The following TREML2 variants were observed in gnomAD, a reference collection of about 807,000 sequenced individuals.
TREML2 encodes trem-like transcript 2 protein.
In TREML2, 24 loss-of-function variants were observed where a neutral mutation model predicts 25.9. The observed-to-expected ratio is 0.93, with a 90% CI of 0.67 to 1.30. The LOEUF (loss-of-function observed/expected upper bound fraction) is 1.30, where lower values mean the gene tolerates loss of function less well. Among genes scored for constraint, TREML2 ranks in the 50% most tolerant of loss-of-function variants. The pLI, the probability that TREML2 is intolerant of heterozygous loss-of-function variation, is 0.00. For synonymous variants in TREML2, 139 were observed against 155.2 expected (o/e 0.90, Z 0.77); for missense variants, 359 against 395.6 (o/e 0.91, Z 0.78).
At chr6:41,196,739 T>A (rs1766173550) in intron 2 of TREML2, among the ~76,000 whole-genome samples, 1 of 152,228 alleles carries the variant, frequency 6.6e-6, no homozygotes, top group Non-Finnish European at 1.5e-5. Context: ...ACTAATCTAC[T>A]TTCTGTGTCT....
chr6:41,198,028 C>T lies in TREML2; in HGVS notation c.376+81G>A, dbSNP rs1672388726. ...AACATGACCACTGATGGATTATTAT[C>T]CTTATTATCTCTGATGTTAGTGGAG... On this transcript the variant is annotated intron_variant, in intron 2 of 4. Transcript: ENST00000483722. The T allele has an allele frequency of 6.7e-6, 9 of 1,345,864 alleles. No individual in the cohort carries two copies. The South Asian group carries it at 1.3e-4, about 20-fold the overall frequency. 83.4% of individuals were successfully genotyped at this position (1,345,864 alleles called of 1,614,324 possible).
At chr6:41,200,625 C>T (rs1279132368) in intron 1 of TREML2, among the ~76,000 whole-genome samples, 3 of 152,198 alleles carry the variant, frequency 2.0e-5, no homozygotes, top group Non-Finnish European at 4.4e-5. Context: ...GCTGTCATAA[C>T]TAAGCAGGGC....
rs115991880 is a variant in TREML2 at position 41,194,466 on chromosome 6, G to T, written c.744C>A (p.Ser248Arg). Residue 248 changes from serine to arginine, a missense_variant, in exon 3 of 5, where the codon AGC (serine) becomes AGA (arginine). Coordinates refer to ENST00000483722, the MANE Select transcript of TREML2 (RefSeq NM_024807.4). ...RSPTTGLCLT[S>R]RSLLNRLPSM... ...AGGGTAGTCTGTTGAGGAGAGATCTGCTGGTGAGGCAGAGCCCTGTGGTGG... is the reference window on the plus strand; with the variant it reads ...AGGGTAGTCTGTTGAGGAGAGATCTTCTGGTGAGGCAGAGCCCTGTGGTGG... 5,639 of 1,603,718 alleles carry T rather than the reference G, an allele frequency of 3.5e-3. 8 individuals are homozygous for T. Among genetic ancestry groups the T allele is most frequent in the Middle Eastern group, 7.3e-3 (44 of 6,050 alleles).
chr6:41,199,108 T>C (rs1766232082), intron 1 of TREML2, among the ~76,000 whole-genome samples: 1 of 152,158 alleles, frequency 6.6e-6, no homozygotes, highest in African/African-American at 2.4e-5. Flanking sequence ...GTGATCCACC[T>C]GCCTCGGCCT....
rs971920809 is a variant in TREML2 at position 41,198,539 on chromosome 6, A to G, written c.56-110T>C. ...AGAGTGGATATTGTCCTGCTGTCAC[A>G]GAACCCACAGATTGAGGGGGAAATA... On this transcript the variant is annotated intron_variant, in intron 1 of 4. Transcript: ENST00000483722. The G allele has an allele frequency of 5.5e-5, 65 of 1,183,832 alleles. No homozygotes were observed. In the African/African-American group the frequency reaches 7.2e-4, roughly 13 times the overall value. The allele number at this position is 1,183,832 out of a possible 1,614,324, so 73.3% of individuals were successfully genotyped here. A position where few individuals can be genotyped will look rare whatever the true frequency, so the allele number is the denominator to read the frequency against.
chr6:41,197,076 C>G (rs1038333685), intron 2 of TREML2, among the ~76,000 whole-genome samples: 2 of 152,212 alleles, frequency 1.3e-5, no homozygotes, highest in African/African-American at 4.8e-5. Context: ...CCTGTCCTAC[C>G]TTCAAAACAT....
chr6:41,197,670 T>C (rs1766192336), intron 2 of TREML2, among the ~76,000 whole-genome samples: 1 of 152,144 alleles, frequency 6.6e-6, no homozygotes, highest in African/African-American at 2.4e-5. Flanking sequence ...TGAACACCTC[T>C]TGTTTTCTGC....
At chr6:41,198,604 G>T (rs1441795831) in intron 1 of TREML2, among the ~76,000 whole-genome samples, 175 bp from the exon 2 acceptor site, 1 of 152,204 alleles carries the variant, frequency 6.6e-6, no homozygotes, top group African/African-American at 2.4e-5. Context: ...TCTGAAGGGA[G>T]GTGAATGGGC....
At position 41,194,598 on chromosome 6, in the gene TREML2, C is replaced by A; in HGVS notation, c.612G>T (p.Arg204Ser). 1.2e-6 allele frequency: 2 copies of A among 1,614,054 alleles called. No homozygotes were observed. The highest frequency in any genetic ancestry group is 1.3e-5 in the African/African-American group (1 of 75,008). Residue 204 changes from arginine (R) to serine (S), a missense_variant, in exon 3 of 5, where the codon AGG (arginine) becomes AGT (serine). Transcript: ENST00000483722. ...CGGTCACTGTCTGGGACCCCATGGT[C>A]CTCCTGGGTCCCTGGCTGGTGGTGC... ...ATSTTSQGPR[R>S]TMGSQTVTAS...
chr6:41,192,392 C>A lies in TREML2; in HGVS notation c.*35G>T. The A allele has an allele frequency of 6.3e-7, 1 of 1,579,226 alleles. No individual in the cohort carries two copies. The highest frequency in any genetic ancestry group is 8.7e-7 in the Non-Finnish European group (1 of 1,149,832). ...CCTCCTCTAACCCCCTGGGGCCACT[C>A]TGGGAGAAGCTCCCCACCCCATGCT... On this transcript the variant is annotated 3_prime_UTR_variant, in exon 5 of 5. Coordinates refer to ENST00000483722, the MANE Select transcript of TREML2 (RefSeq NM_024807.4).
intron 1 of TREML2, 27 bp downstream of exon 1, chr6:41,200,927 C>T (rs1766261308): frequency 6.6e-7 from 1 of 1,516,130 alleles, no homozygotes; most frequent in Middle Eastern, 1.8e-4. Flanking sequence ...ACTCCCTCCT[C>T]CACAAGTCAG....
intron 1 of TREML2, 130 bp downstream of exon 1, chr6:41,200,824 A>T (rs570268544): frequency 2.5e-6 from 2 of 806,792 alleles, no homozygotes; most frequent in African/African-American, 3.5e-5. Context: ...AGTCAGCCCT[A>T]ATCTCCTCCT....
chr6:41,192,681 A>G (rs1320965319), intron 4 of TREML2, 120 bp downstream of exon 4: 1 of 1,157,298 alleles, frequency 8.6e-7, no homozygotes, highest in African/African-American at 1.5e-5. Context: ...TGGAAGCGTC[A>G]TAGTCCTTTT....
Position 41,192,290 on chromosome 6 carries a change from T to A in TREML2, c.*137A>T. 1 of 712,194 alleles carries A rather than the reference T, an allele frequency of 1.4e-6. No homozygotes were observed. Among genetic ancestry groups the A allele is most frequent in the South Asian group, 1.7e-5 (1 of 60,310 alleles). 44.1% of individuals were successfully genotyped at this position (712,194 alleles called of 1,614,324 possible). A position where few individuals can be genotyped will look rare whatever the true frequency, so the allele number is the denominator to read the frequency against. ...CTGCTTAGGATGGCAGCCTCTGGGT[T>A]TGGGAAGTCCTGGGTGAGTCCAGCA... On this transcript the variant is annotated 3_prime_UTR_variant, in exon 5 of 5. Transcript: ENST00000483722.
Position 41,198,335 on chromosome 6 carries a change from C to T in TREML2, c.150G>A (p.Val50=), listed in dbSNP as rs752174614. Residue 50 remains valine, a synonymous_variant, in exon 2 of 5, where the codon GTG becomes GTA. Coordinates refer to ENST00000483722, the MANE Select transcript of TREML2 (RefSeq NM_024807.4). ...TGATTTTGCACCAAACCTTGCCCTC[C>T]ACGCGGTTTTTGTAGCCCTTATAGG... ...QCSYKGYKNR[V]EGKVWCKIRK... 1.2e-6 allele frequency: 2 copies of T among 1,614,212 alleles called. No homozygotes were observed. The highest frequency in any genetic ancestry group is 1.1e-5 in the South Asian group (1 of 91,090).
rs151301180 is a variant in TREML2 at position 41,196,682 on chromosome 6, A to G, written c.376+1427T>C. ...CTCCAAAAGAAACCCCTTACTGTTT[A>G]TCTATGATTCTGTATCCCCTTTTCC... On this transcript the variant is annotated intron_variant, in intron 2 of 4. Coordinates refer to ENST00000483722, the MANE Select transcript of TREML2 (RefSeq NM_024807.4). Among the ~76,000 whole-genome samples, 509 of 152,078 alleles carry G rather than the reference A, an allele frequency of 3.3e-3. 5 individuals are homozygous for G. The highest frequency in any genetic ancestry group is 0.012 in the African/African-American group (488 of 41,334).
chr6:41,195,387 G>A (rs1426697017), intron 2 of TREML2, among the ~76,000 whole-genome samples: 3 of 152,144 alleles, frequency 2.0e-5, no homozygotes, highest in Non-Finnish European at 4.4e-5. Context: ...TTTTCTAGAA[G>A]AAGCCTGGGT....
intron 1 of TREML2, among the ~76,000 whole-genome samples, chr6:41,200,344 G>T (rs991513099): frequency 1.3e-5 from 2 of 152,172 alleles, no homozygotes; most frequent in Non-Finnish European, 2.9e-5. Context: ...ATGTCTTCAT[G>T]TGTGCCTACA....
At position 41,201,052 on chromosome 6, in the gene TREML2, G is replaced by C. The variant is rs556690524; in HGVS notation, c.-44C>G. On this transcript the variant is annotated 5_prime_UTR_variant, in exon 1 of 5. Coordinates refer to ENST00000483722, the MANE Select transcript of TREML2 (RefSeq NM_024807.4). ...AGTGTCAGGCCTGGAGATCCAAGGTGAGGGCCCACCCGACACAGGATGTGC... is the reference window on the plus strand; with the variant it reads ...AGTGTCAGGCCTGGAGATCCAAGGTCAGGGCCCACCCGACACAGGATGTGC... 1 of 1,609,198 alleles carries C rather than the reference G, an allele frequency of 6.2e-7. No individual in the cohort carries two copies.
Sources: gnomAD v4.1 joint callset for allele counts (sites outside exome capture counted in the v4.1 genomes callset) on GRCh38, gnomAD v4.1.1 for gene constraint, MANE v1.5 for transcripts, NCBI Gene and HGNC (gene_info 2026-07-23, HGNC 2026-07-21) for gene names.